Variants in HDAC4 observed in about 807,000 individuals in gnomAD.
HDAC4 encodes the protein histone deacetylase 4.
In HDAC4, 16 loss-of-function variants were observed where a neutral mutation model predicts 135.1. That is an observed-to-expected ratio of 0.12 (90% CI 0.08 to 0.18). The LOEUF (loss-of-function observed/expected upper bound fraction) is 0.18. Ranked by LOEUF, HDAC4 falls within the 10% of genes least tolerant of loss-of-function variation. HDAC4 has a pLI of 1.00. For missense variants in HDAC4, 1,143 were observed against 1,511.8 expected, an observed-to-expected ratio of 0.76 and a Z score of 4.05; for synonymous variants, 685 against 653.4, an observed-to-expected ratio of 1.05 and a Z score of -0.74.
intron 6 of HDAC4, among the ~76,000 whole-genome samples, chr2:239,161,221 T>A (rs1236235093): frequency 6.6e-6 from 1 of 152,222 alleles, no homozygotes; most frequent in Non-Finnish European, 1.5e-5. Context: ...ATTGTGAATA[T>A]TTCCTTCCAT....
chr2:239,123,351 C>G (rs775624739), intron 12 of HDAC4, among the ~76,000 whole-genome samples: 1 of 151,674 alleles, frequency 6.6e-6, no homozygotes, highest in Non-Finnish European at 1.5e-5. Context: ...ATTTCTGATG[C>G]GTTCCCTGCT....
In HDAC4 at chr2:239,114,950, AAGG is replaced by A. The variant is rs141355817; in HGVS notation, c.1791+100_1791+102del. The A allele has an allele frequency of 4.5e-5, 63 of 1,399,734 alleles. No individual in the cohort carries two copies. The East Asian group carries it at 1.0e-3, about 22-fold the overall frequency. 86.7% of individuals were successfully genotyped at this position (1,399,734 alleles called of 1,614,324 possible). ...GTGAGACACTGGACAGTGACCGCGC[AAGG>A]ATGCCCTGCAGCCCCCGTGATCACC... On this transcript the variant is annotated intron_variant, in intron 13 of 26. Coordinates refer to ENST00000543185, the MANE Select transcript of HDAC4 (RefSeq NM_001378414.1).
intron 2 of HDAC4, among the ~76,000 whole-genome samples, chr2:239,259,752 G>C (rs992489656): frequency 6.6e-6 from 1 of 152,254 alleles, no homozygotes; most frequent in African/African-American, 2.4e-5. Flanking sequence ...CTAATGAAGA[G>C]GAAAGATCTC....
intron 17 of HDAC4, 37 bp downstream of exon 17, chr2:239,094,973 A>C (rs757720789): frequency 6.2e-7 from 1 of 1,613,776 alleles, no homozygotes; most frequent in African/African-American, 1.3e-5. Context: ...ACTCGAGAAG[A>C]AACAGGACAT....
intron 2 of HDAC4, among the ~76,000 whole-genome samples, chr2:239,293,786 C>T (rs2051680011): frequency 6.6e-6 from 1 of 152,232 alleles, no homozygotes; most frequent in Non-Finnish European, 1.5e-5. Context: ...ATCACCTGGA[C>T]ATACAGTTTA....
At position 239,050,051 on chromosome 2, in the gene HDAC4, ACG is replaced by A. The variant is rs2030600039; in HGVS notation, c.*3044_*3045del. On this transcript the variant is annotated 3_prime_UTR_variant, in exon 27 of 27. Transcript: ENST00000543185. ...CTCCCTGACGTGGTCCCGCCTGCAG[ACG>A]CCGAGGCAGATCCTCTGCCATCTGC... is the stretch of plus-strand genomic sequence containing the variant. 1 of 152,636 alleles carries A rather than the reference ACG, an allele frequency of 6.6e-6. No individual in the cohort carries two copies. Among genetic ancestry groups the A allele is most frequent in the South Asian group, 2.1e-4 (1 of 4,834 alleles). 9.5% of individuals were successfully genotyped at this position (152,636 alleles called of 1,614,324 possible).
intron 24 of HDAC4, among the ~76,000 whole-genome samples, chr2:239,056,547 G>A (rs766470123): frequency 3.3e-5 from 5 of 152,214 alleles, no homozygotes; most frequent in African/African-American, 4.8e-5. Context: ...GTGTAAGAAA[G>A]ACAGATACAC....
intron 16 of HDAC4, among the ~76,000 whole-genome samples, chr2:239,101,069 CG>C (rs2037572758): frequency 6.6e-6 from 1 of 152,124 alleles, no homozygotes; most frequent in African/African-American, 2.4e-5. Flanking sequence ...TGGGGTGGGT[CG>C]GTGGCCCTTG....
rs74003995 is a variant in HDAC4 at position 239,395,392 on chromosome 2, C to T, written c.-220+5586G>A. Among the ~76,000 whole-genome samples the T allele has an allele frequency of 6.2e-3, 942 of 152,232 alleles. 12 individuals are homozygous for T. Among genetic ancestry groups the T allele is most frequent in the African/African-American group, 0.022 (907 of 41,506 alleles). On this transcript the variant is annotated intron_variant, in intron 1 of 26. Coordinates refer to ENST00000543185, the MANE Select transcript of HDAC4 (RefSeq NM_001378414.1). Reference sequence around the variant, plus strand: ...GCTGTAGCAGAGCCCGCTCAGACCCCGAGGGTCAGTCCCCACCTTGAAGAG... The same window carrying T: ...GCTGTAGCAGAGCCCGCTCAGACCCTGAGGGTCAGTCCCCACCTTGAAGAG...
rs1438660883 is a variant in HDAC4, at chr2:239,204,159, C to T, written c.95-14082G>A. Among the ~76,000 whole-genome samples, 5 of 152,226 alleles carry T rather than the reference C, an allele frequency of 3.3e-5. No homozygotes were observed. The East Asian group carries it at 5.8e-4, about 18-fold the overall frequency. ...CATTTCTAAGCATCTAGCCTGGCGGCTTCTGTGAACCTGTGAGCTCCTCTC... is the reference window on the plus strand; with the variant it reads ...CATTTCTAAGCATCTAGCCTGGCGGTTTCTGTGAACCTGTGAGCTCCTCTC... On this transcript the variant is annotated intron_variant, in intron 3 of 26. Transcript: ENST00000543185.
intron 22 of HDAC4, among the ~76,000 whole-genome samples, chr2:239,080,655 G>A (rs1296352738): frequency 6.6e-6 from 1 of 152,212 alleles, no homozygotes. Flanking sequence ...GAGGGAGGGC[G>A]ACAACTGCCT....
chr2:239,398,260 G>A (rs1696699678), intron 1 of HDAC4, among the ~76,000 whole-genome samples: 1 of 152,226 alleles, frequency 6.6e-6, no homozygotes, highest in African/African-American at 2.4e-5. Flanking sequence ...ATAGAGAATG[G>A]TATGGATGAA....
rs1459896466 is a variant in HDAC4, at chr2:239,141,833, A to T, written c.866-2037T>A. On this transcript the variant is annotated intron_variant, in intron 8 of 26. Coordinates refer to ENST00000543185, the MANE Select transcript of HDAC4 (RefSeq NM_001378414.1). The surrounding 1 kb of genome is among the most constrained non-coding windows in gnomAD (Gnocchi z 4.9). Reference sequence around the variant, plus strand: ...GTAACTTTCCACCCACTTTTAACTCAACGAGGTTAATTTTATTTTTTTGCA... The same window carrying T: ...GTAACTTTCCACCCACTTTTAACTCTACGAGGTTAATTTTATTTTTTTGCA... Among the ~76,000 whole-genome samples, 2 of 152,212 alleles carry T rather than the reference A, an allele frequency of 1.3e-5. No homozygotes were observed. Among genetic ancestry groups the T allele is most frequent in the African/African-American group, 4.8e-5 (2 of 41,454 alleles).
intron 24 of HDAC4, 65 bp from the exon 25 acceptor site, chr2:239,054,898 T>C: frequency 9.3e-6 from 10 of 1,071,328 alleles, no homozygotes; most frequent in Middle Eastern, 2.0e-4. Flanking sequence ...TAGACGGGTG[T>C]TCCGAGACTG....
In HDAC4 at chr2:239,053,495, G is replaced by C; in HGVS notation, c.3195C>G (p.Ala1065=). Residue 1065 remains alanine, a synonymous_variant, in exon 26 of 27, where the codon GCC becomes GCG. Coordinates refer to ENST00000543185, the MANE Select transcript of HDAC4 (RefSeq NM_001378414.1). ...CGGGCTTCACGCCCACGGACAGCGA[G>C]GCCATGGCGGTGACCGTCTCGGCTT... ...NEEAETVTAM[A]SLSVGVKPAE... The C allele has an allele frequency of 6.2e-7, 1 of 1,613,718 alleles. No homozygotes were observed.
At chr2:239,256,571 G>A (rs2049064700) in intron 2 of HDAC4, among the ~76,000 whole-genome samples, 1 of 152,242 alleles carries the variant, frequency 6.6e-6, no homozygotes. Context: ...AAGGCTCCCT[G>A]CCAACACTGG....
chr2:239,390,904 C>T (rs1403599282), intron 1 of HDAC4, among the ~76,000 whole-genome samples: 4 of 152,164 alleles, frequency 2.6e-5, no homozygotes, highest in Admixed American at 6.5e-5. Flanking sequence ...GCAGTGAAGA[C>T]GGGACAGAAA....
At chr2:239,075,452 T>C (rs1487944166) in intron 22 of HDAC4, among the ~76,000 whole-genome samples, 1 of 151,464 alleles carries the variant, frequency 6.6e-6, no homozygotes, top group African/African-American at 2.4e-5. Flanking sequence ...GCAGGAGAAA[T>C]GGGTGGAAAG....
chr2:239,053,727 C>T (rs2031280142), intron 25 of HDAC4, 126 bp from the exon 26 acceptor site: 2 of 774,608 alleles, frequency 2.6e-6, no homozygotes, highest in Non-Finnish European at 4.1e-6. Flanking sequence ...TTAAAAGCAC[C>T]CGTCTTTGAA....
Sources: allele counts gnomAD v4.1 joint callset (sites outside exome capture counted in the v4.1 genomes callset), GRCh38; gene constraint gnomAD v4.1.1; non-coding constraint Gnocchi (gnomAD v3.1); transcripts MANE v1.5; gene names NCBI Gene and HGNC (gene_info 2026-07-23, HGNC 2026-07-21).